ERBB4: variants seen among roughly 807,000 people sequenced by gnomAD.
ERBB4 encodes the protein receptor tyrosine-protein kinase erbB-4.
ERBB4 carries 42 observed loss-of-function variants against 158.0 expected under a neutral mutation model. The observed-to-expected ratio is 0.27, with a 90% confidence interval of 0.21 to 0.34. The LOEUF is 0.34. Among genes scored for constraint, ERBB4 ranks in the 10% least tolerant of loss-of-function variants. The probability of loss-of-function intolerance (pLI) is 1.00; values close to 1 mark genes in which losing one functional copy is unlikely to be tolerated. For missense variants in ERBB4, 1,333 were observed against 1,624.1 expected, an observed-to-expected ratio of 0.82 and a Z score of 3.08; for synonymous variants, 583 against 558.7, an observed-to-expected ratio of 1.04 and a Z score of -0.61.
chr2:212,150,950 C>A (rs2080847044), intron 1 of ERBB4, among the ~76,000 whole-genome samples: 1 of 152,130 alleles, frequency 6.6e-6, no homozygotes, highest in Non-Finnish European at 1.5e-5. Flanking sequence ...GACAGTAATA[C>A]TGGCCATAAC....
intron 20 of ERBB4, among the ~76,000 whole-genome samples, chr2:211,542,557 TAA>T (rs1164870960): frequency 6.6e-6 from 1 of 152,020 alleles, no homozygotes; most frequent in African/African-American, 2.4e-5. Context: ...TAAATATTAA[TAA>T]AAATAGAAAA....
At chr2:212,312,516 TTG>T (rs1311799238) in intron 1 of ERBB4, among the ~76,000 whole-genome samples, 1 of 150,992 alleles carries the variant, frequency 6.6e-6, no homozygotes, top group Admixed American at 6.6e-5. Context: ...ACTGATATTG[TTG>T]GCAAGTACTC....
rs746460467 is a variant in ERBB4 at position 211,428,488 on chromosome 2, A to G, written c.2644-5T>C. 1.4e-6 allele frequency: 2 copies of G among 1,480,598 alleles called. No individual in the cohort carries two copies. Among genetic ancestry groups the G allele is most frequent in the Middle Eastern group, 1.7e-4 (1 of 5,762 alleles). 91.7% of individuals were successfully genotyped at this position (1,480,598 alleles called of 1,614,324 possible). On this transcript the variant is annotated splice_polypyrimidine_tract_variant and splice_region_variant and intron_variant, in intron 21 of 27. Coordinates refer to ENST00000342788, the MANE Select transcript of ERBB4 (RefSeq NM_005235.3). Reference sequence around the variant, plus strand: ...AGCCATCCATTTAATTGGCATCTATAGAGAAGTAAGAAGTAAAAGTTTTAA... The same window carrying G: ...AGCCATCCATTTAATTGGCATCTATGGAGAAGTAAGAAGTAAAAGTTTTAA...
At chr2:211,780,502 C>T (rs970886847) in intron 4 of ERBB4, among the ~76,000 whole-genome samples, 5 of 152,260 alleles carry the variant, frequency 3.3e-5, no homozygotes, top group East Asian at 1.9e-4. Flanking sequence ...TGCTTGCTTC[C>T]GTAATGTTCT....
intron 3 of ERBB4, among the ~76,000 whole-genome samples, chr2:211,939,958 A>G (rs1467956656): frequency 3.5e-5 from 3 of 85,768 alleles, no homozygotes; most frequent in Admixed American, 1.1e-4. Context: ...AAAAAAAAGG[A>G]AAAAAAAAAT....
chr2:211,471,596 G>A (rs959838611), intron 20 of ERBB4, among the ~76,000 whole-genome samples: 1 of 152,126 alleles, frequency 6.6e-6, no homozygotes, highest in Non-Finnish European at 1.5e-5. Flanking sequence ...TCACAGTTAA[G>A]AGGTGGAACT....
intron 15 of ERBB4, among the ~76,000 whole-genome samples, chr2:211,662,859 G>A (rs369363771): frequency 7.6e-4 from 115 of 152,252 alleles, no homozygotes; most frequent in African/African-American, 2.5e-3. Flanking sequence ...TGGTTTGAAA[G>A]ACTATTTTCA....
intron 3 of ERBB4, among the ~76,000 whole-genome samples, chr2:211,796,084 A>T (rs1175262785): frequency 3.9e-5 from 6 of 151,912 alleles, no homozygotes. Context: ...TTACAAACTG[A>T]ACACACTTAT....
At chr2:211,851,114 G>A (rs1219843978) in intron 3 of ERBB4, among the ~76,000 whole-genome samples, 1 of 151,826 alleles carries the variant, frequency 6.6e-6, no homozygotes, top group African/African-American at 2.4e-5. Context: ...AACAGATAAA[G>A]TAGTATACAA....
At chr2:212,354,915 C>T (rs962724577) in intron 1 of ERBB4, among the ~76,000 whole-genome samples, 8 of 151,666 alleles carry the variant, frequency 5.3e-5, no homozygotes, top group Non-Finnish European at 1.0e-4. Flanking sequence ...ATATTAAATA[C>T]AGATACTCGT....
intron 2 of ERBB4, 26 bp downstream of exon 2, chr2:212,124,723 AAAG>A (rs1458774733): frequency 6.2e-7 from 1 of 1,613,616 alleles, no homozygotes; most frequent in Non-Finnish European, 8.5e-7. Flanking sequence ...GTCCATTCAC[AAAG>A]AAGAGAAAGA....
chr2:211,471,989 A>G (rs1574555616), intron 20 of ERBB4, among the ~76,000 whole-genome samples: 1 of 152,174 alleles, frequency 6.6e-6, no homozygotes, highest in East Asian at 1.9e-4. Context: ...AAAAAGGGGG[A>G]AAAAAGATAA....
At chr2:211,508,905 G>A (rs1466262675) in intron 20 of ERBB4, among the ~76,000 whole-genome samples, 5 of 151,830 alleles carry the variant, frequency 3.3e-5, no homozygotes, top group Non-Finnish European at 4.4e-5. Context: ...ACTCCAGCCT[G>A]GGTGACAGAG....
intron 1 of ERBB4, among the ~76,000 whole-genome samples, chr2:212,151,608 G>C (rs987943644): frequency 1.3e-5 from 2 of 151,924 alleles, no homozygotes; most frequent in Admixed American, 6.6e-5. Context: ...ATGGTCCATG[G>C]CTGGGCATGG....
chr2:211,787,998 G>A (rs1452300261), intron 4 of ERBB4, 27 bp downstream of exon 4: 1 of 1,609,692 alleles, frequency 6.2e-7, no homozygotes, highest in Non-Finnish European at 8.5e-7. Context: ...AACATTTTGA[G>A]AAATTAAAAA....
intron 2 of ERBB4, among the ~76,000 whole-genome samples, chr2:212,052,761 A>T (rs1454604164): frequency 6.6e-6 from 1 of 152,208 alleles, no homozygotes; most frequent in Non-Finnish European, 1.5e-5. Context: ...CAGACTCCTC[A>T]TTCATTATTA....
intron 20 of ERBB4, among the ~76,000 whole-genome samples, chr2:211,530,410 T>G (rs938173002): frequency 3.4e-4 from 51 of 152,088 alleles, no homozygotes; most frequent in African/African-American, 1.1e-3. Flanking sequence ...TTAAAATGTC[T>G]AGACTACAAT....
chr2:212,427,554 A>C (rs892220316), intron 1 of ERBB4, among the ~76,000 whole-genome samples: 2 of 152,180 alleles, frequency 1.3e-5, no homozygotes, highest in African/African-American at 2.4e-5. Flanking sequence ...TTTTTATGCC[A>C]TATGGGAAAA....
rs182106867 is a variant in ERBB4 at position 211,730,461 on chromosome 2, C to T, written c.623-5267G>A. ...TTCCTCCTCCTCCCCCATCTCCTTC[C>T]TCTTTCCCTATCTCCTCTGTCTTCT... is the stretch of plus-strand genomic sequence containing the variant. On this transcript the variant is annotated intron_variant, in intron 5 of 27. Coordinates refer to ENST00000342788, the MANE Select transcript of ERBB4 (RefSeq NM_005235.3). Among the ~76,000 whole-genome samples the T allele has an allele frequency of 1.8e-4, 27 of 152,060 alleles. No homozygotes were observed. The East Asian group carries it at 4.8e-3, about 27-fold the overall frequency.
Sources: gnomAD v4.1 joint callset for allele counts (sites outside exome capture counted in the v4.1 genomes callset) on GRCh38, gnomAD v4.1.1 for gene constraint, MANE v1.5 for transcripts, NCBI Gene and HGNC (gene_info 2026-07-23, HGNC 2026-07-21) for gene names.